Variants in RERE observed in about 807,000 individuals in gnomAD.
The protein encoded by RERE is arginine-glutamic acid dipeptide repeats, also known as arginine-glutamic acid dipeptide repeats protein.
RERE carries 40 observed loss-of-function variants against 146.1 expected under a neutral mutation model. The ratio of observed to expected loss-of-function variants is 0.27; its 90% CI spans 0.21 to 0.36. The LOEUF (loss-of-function observed/expected upper bound fraction) is 0.36. Among genes scored for constraint, RERE ranks in the 10% least tolerant of loss-of-function variants. RERE has a pLI of 1.00. For missense variants in RERE, 1,933 were observed against 2,138.7 expected (o/e 0.90, Z 1.90); for synonymous variants, 1,003 against 866.0 (o/e 1.16, Z -2.78).
intron 4 of RERE, among the ~76,000 whole-genome samples, chr1:8,585,235 G>A (rs1025015183): frequency 1.6e-4 from 25 of 151,628 alleles, no homozygotes; most frequent in African/African-American, 6.1e-4. Flanking sequence ...TGAAAGAAAA[G>A]AGATAGAGAT....
chr1:8,365,671 A>G, intron 13 of RERE, 141 bp downstream of exon 13: 1 of 844,306 alleles, frequency 1.2e-6, no homozygotes, highest in Non-Finnish European at 1.8e-6. Flanking sequence ...TGTTTAGGTC[A>G]GGCTTCACAC....
At chr1:8,641,370 G>C (rs1423526081) in intron 2 of RERE, among the ~76,000 whole-genome samples, 1 of 152,134 alleles carries the variant, frequency 6.6e-6, no homozygotes, top group South Asian at 2.1e-4. Flanking sequence ...ATAATAAGGG[G>C]AACATTTAAC....
At chr1:8,509,261 C>T (rs2124301314) in intron 7 of RERE, among the ~76,000 whole-genome samples, 1 of 152,256 alleles carries the variant, frequency 6.6e-6, no homozygotes, top group East Asian at 1.9e-4. Context: ...TACCATCATT[C>T]TTTCATGCCT....
At chr1:8,755,143 G>C (rs557053765) in intron 1 of RERE, among the ~76,000 whole-genome samples, 4 of 152,362 alleles carry the variant, frequency 2.6e-5, no homozygotes, top group East Asian at 1.9e-4. Context: ...ACAGCAGCTA[G>C]CAGTGGTAAC....
intron 4 of RERE, among the ~76,000 whole-genome samples, chr1:8,581,722 A>G (rs1030862323): frequency 2.0e-5 from 3 of 152,206 alleles, no homozygotes; most frequent in African/African-American, 7.2e-5. Context: ...ATTTGATCAT[A>G]TATGTGTGGA....
intron 1 of RERE, among the ~76,000 whole-genome samples, chr1:8,778,219 T>C (rs1641103828): frequency 6.6e-6 from 1 of 152,226 alleles, no homozygotes; most frequent in Admixed American, 6.5e-5. Flanking sequence ...ACATAGACTG[T>C]TGTCTTAAAG....
At chr1:8,656,812 G>A (rs1000767084) in intron 1 of RERE, among the ~76,000 whole-genome samples, 2 of 152,172 alleles carry the variant, frequency 1.3e-5, no homozygotes, top group Non-Finnish European at 2.9e-5. Flanking sequence ...GAAAGAATCT[G>A]TAGTAAAAAT....
At chr1:8,568,867 C>G (rs1294771696) in intron 4 of RERE, among the ~76,000 whole-genome samples, 2 of 152,054 alleles carry the variant, frequency 1.3e-5, no homozygotes, top group Non-Finnish European at 2.9e-5. Context: ...TTCTATCCAG[C>G]CAGCCAGCCA....
At chr1:8,534,524 G>C (rs925822793) in intron 7 of RERE, among the ~76,000 whole-genome samples, 3 of 152,166 alleles carry the variant, frequency 2.0e-5, no homozygotes, top group Admixed American at 2.0e-4. Context: ...GAAGGTCAGA[G>C]AGCAGCAACA....
intron 1 of RERE, among the ~76,000 whole-genome samples, chr1:8,731,373 A>C (rs1259171409): frequency 1.3e-5 from 2 of 152,190 alleles, no homozygotes; most frequent in African/African-American, 4.8e-5. Flanking sequence ...ACCTGCTAAG[A>C]AAAACTACTT....
chr1:8,597,856 C>G lies in RERE; in HGVS notation c.522+16705G>C, dbSNP rs190910622. Reference sequence around the variant, plus strand: ...TCTTCCAGAAGAACTCACTACTCAACCAACTGCCTGGTATTCAGCTGTGAC... The same window carrying G: ...TCTTCCAGAAGAACTCACTACTCAAGCAACTGCCTGGTATTCAGCTGTGAC... On this transcript the variant is annotated intron_variant, in intron 4 of 22. Transcript: ENST00000400908. Among the ~76,000 whole-genome samples the G allele has an allele frequency of 1.6e-4, 25 of 152,136 alleles. No individual in the cohort carries two copies. In the East Asian group the frequency reaches 2.7e-3, roughly 16 times the overall value.
At chr1:8,498,730 T>TACACACACACACACAC (rs1357066114) in intron 8 of RERE, among the ~76,000 whole-genome samples, 88 of 11,840 alleles carry the variant, frequency 7.4e-3, no homozygotes, top group African/African-American at 0.016. Flanking sequence ...AAAATAAATA[T>TACACACACACACACAC]ATACACACAC....
intron 6 of RERE, among the ~76,000 whole-genome samples, chr1:8,542,845 T>C (rs937480801): frequency 4.6e-5 from 7 of 152,204 alleles, no homozygotes; most frequent in African/African-American, 1.7e-4. Flanking sequence ...ATGCTGTTGA[T>C]ATAAAGTCCC....
At chr1:8,525,784 T>A in intron 7 of RERE, 1 of 1,599,788 alleles carries the variant, frequency 6.3e-7, no homozygotes, top group South Asian at 1.1e-5. Context: ...GGATCATCCA[T>A]GACTAACACG....
At chr1:8,519,198 T>G (rs185057042) in intron 7 of RERE, among the ~76,000 whole-genome samples, 1 of 151,996 alleles carries the variant, frequency 6.6e-6, no homozygotes. Flanking sequence ...CTAGGCAACA[T>G]AGCAAGACCT....
chr1:8,736,769 C>G (rs1640207843), intron 1 of RERE, among the ~76,000 whole-genome samples: 1 of 147,684 alleles, frequency 6.8e-6, no homozygotes, highest in Non-Finnish European at 1.5e-5. Flanking sequence ...TTGGGTCTCT[C>G]AACACTCTTT....
chr1:8,496,037 C>T (rs1174463615), intron 9 of RERE, among the ~76,000 whole-genome samples: 1 of 151,556 alleles, frequency 6.6e-6, no homozygotes, highest in Non-Finnish European at 1.5e-5. Flanking sequence ...GTGGTGCATG[C>T]CTGTAGTCCT....
chr1:8,497,643 G>T, intron 8 of RERE, 114 bp from the exon 9 acceptor site: 1 of 1,100,752 alleles, frequency 9.1e-7, no homozygotes, highest in African/African-American at 1.6e-5. Context: ...TCTTTCCTTG[G>T]ACAGCAGAAA....
intron 3 of RERE, among the ~76,000 whole-genome samples, chr1:8,617,595 A>G (rs1646869042): frequency 6.6e-6 from 1 of 152,224 alleles, no homozygotes; most frequent in African/African-American, 2.4e-5. Flanking sequence ...AGAAGGAGCT[A>G]TAGAAAGAAA....
Sources: allele counts gnomAD v4.1 joint callset (sites outside exome capture counted in the v4.1 genomes callset), GRCh38; gene constraint gnomAD v4.1.1; transcripts MANE v1.5; gene names NCBI Gene and HGNC (gene_info 2026-07-23, HGNC 2026-07-21).